Variants in PNPLA3 observed in about 807,000 individuals in gnomAD.
The protein encoded by PNPLA3 is 1-acylglycerol-3-phosphate O-acyltransferase PNPLA3.
PNPLA3 carries 42 observed loss-of-function variants against 43.1 expected under a neutral mutation model. The ratio of observed to expected loss-of-function variants is 0.97; its 90% CI spans 0.76 to 1.26. The LOEUF is 1.26. PNPLA3 is among the 50% of genes most tolerant of loss of function. PNPLA3 has a pLI of 0.00. For synonymous variants in PNPLA3, 272 were observed against 253.6 expected (o/e 1.07, Z -0.69); for missense variants, 647 against 621.4 (o/e 1.04, Z -0.44).
rs1429208007 is a variant in PNPLA3 at position 43,926,924 on chromosome 22, C to T, written c.188-11C>T. On this transcript the variant is annotated splice_polypyrimidine_tract_variant and intron_variant, in intron 1 of 8. Coordinates refer to ENST00000216180, the MANE Select transcript of PNPLA3 (RefSeq NM_025225.3). ...GGTACATTCTTTCATGTATTTGTCT[C>T]CTGTCCCCAGAGCAGACTCTGCAGG... 1.2e-6 allele frequency: 2 copies of T among 1,611,760 alleles called. No individual in the cohort carries two copies. The highest frequency in any genetic ancestry group is 1.7e-6 in the Non-Finnish European group (2 of 1,178,040).
chr22:43,926,820 A>T (rs2049925755), intron 1 of PNPLA3, 115 bp from the exon 2 acceptor site: 2 of 806,012 alleles, frequency 2.5e-6, no homozygotes, highest in Admixed American at 4.3e-5. Flanking sequence ...CATAGTAGAC[A>T]GTACTGGTCT....
chr22:43,944,269 G>A (rs2050049243), intron 7 of PNPLA3, among the ~76,000 whole-genome samples: 1 of 152,144 alleles, frequency 6.6e-6, no homozygotes, highest in Admixed American at 6.5e-5. Flanking sequence ...TTATGTGTCT[G>A]GGGGATGGAG....
Position 43,923,846 on chromosome 22 carries a change from G to T in PNPLA3, c.-66G>T. On this transcript the variant is annotated 5_prime_UTR_variant, in exon 1 of 9. In the 5' UTR this introduces an upstream ATG that the reference lacks. Transcript: ENST00000216180. The stretch of plus-strand genomic sequence containing the variant: ...CGCCGGGCGGAGCTGCTGCGGATCA[G>T]GACCCGAGCCGATTCCCGATCCCGA... 1 of 1,407,348 alleles carries T rather than the reference G, an allele frequency of 7.1e-7. No individual in the cohort carries two copies. The highest frequency in any genetic ancestry group is 9.3e-7 in the Non-Finnish European group (1 of 1,079,188). 87.2% of individuals were successfully genotyped at this position (1,407,348 alleles called of 1,614,324 possible).
At position 43,947,359 on chromosome 22, in the gene PNPLA3, CA is replaced by C. The variant is rs3083314; in HGVS notation, c.*989del. 7 of 145,526 alleles carry C rather than the reference CA, an allele frequency of 4.8e-5. No individual in the cohort carries two copies. Among genetic ancestry groups the C allele is most frequent in the Admixed American group, 1.4e-4 (2 of 14,426 alleles). 9.0% of individuals were successfully genotyped at this position (145,526 alleles called of 1,614,324 possible). A position where few individuals can be genotyped will look rare whatever the true frequency, so the allele number is the denominator to read the frequency against. On this transcript the variant is annotated 3_prime_UTR_variant, in exon 9 of 9. Transcript: ENST00000216180. Reference sequence around the variant, plus strand: ...GGGCAACATGAGTGAAAGTCTGACTCAAAAAAAAAAAATTTAAAAAACAAAA... The same window carrying C: ...GGGCAACATGAGTGAAAGTCTGACTCAAAAAAAAAAATTTAAAAAACAAAA...
Position 43,946,703 on chromosome 22 carries a change from A to C in PNPLA3, c.*321A>C. 10 of 544,876 alleles carry C rather than the reference A, an allele frequency of 1.8e-5. No homozygotes were observed. Among genetic ancestry groups the C allele is most frequent in the East Asian group, 5.0e-5 (1 of 20,130 alleles). 33.8% of individuals were successfully genotyped at this position (544,876 alleles called of 1,614,324 possible). The stretch of plus-strand genomic sequence containing the variant: ...ACTGTTCCAGCATGAGGTTCTTAGA[A>C]TGACAGGTGTTTGGATGGGTGGGGG... On this transcript the variant is annotated 3_prime_UTR_variant, in exon 9 of 9. Coordinates refer to ENST00000216180, the MANE Select transcript of PNPLA3 (RefSeq NM_025225.3).
In PNPLA3 at chr22:43,935,381, C is replaced by G. The variant is rs143246365; in HGVS notation, c.757+715C>G. ...AACACAGAGGTGTGACCCTTGCCAG[C>G]CTTGTGAGAGAAGTGAGCAGATAAG... is the stretch of plus-strand genomic sequence containing the variant. On this transcript the variant is annotated intron_variant, in intron 5 of 8. Transcript: ENST00000216180. Among the ~76,000 whole-genome samples, 487 of 152,222 alleles carry G rather than the reference C, an allele frequency of 3.2e-3. 2 individuals are homozygous for G. The highest frequency in any genetic ancestry group is 0.011 in the African/African-American group (442 of 41,508).
chr22:43,931,476 G>A (rs1049973515), intron 3 of PNPLA3, among the ~76,000 whole-genome samples: 1 of 152,154 alleles, frequency 6.6e-6, no homozygotes, highest in Admixed American at 6.5e-5. Context: ...CTTCACTCCA[G>A]ATTCCTAGCA....
intron 7 of PNPLA3, among the ~76,000 whole-genome samples, chr22:43,942,828 A>G (rs569536140): frequency 6.7e-6 from 1 of 149,706 alleles, no homozygotes; most frequent in South Asian, 2.1e-4. Flanking sequence ...TCAACCTCCT[A>G]AGTAGCTGGG....
At chr22:43,934,811 G>C in intron 5 of PNPLA3, 145 bp downstream of exon 5, 1 of 769,152 alleles carries the variant, frequency 1.3e-6, no homozygotes, top group Admixed American at 2.3e-5. Context: ...GAGCCCAGGA[G>C]ATAGGAAATC....
chr22:43,934,783 G>A, intron 5 of PNPLA3, 117 bp downstream of exon 5: 1 of 947,126 alleles, frequency 1.1e-6, no homozygotes, highest in Non-Finnish European at 1.7e-6. Flanking sequence ...CCTTCCTTGT[G>A]TTGCTCAACC....
intron 8 of PNPLA3, 146 bp downstream of exon 8, chr22:43,944,941 C>T: frequency 1.4e-6 from 1 of 701,828 alleles, no homozygotes; most frequent in Non-Finnish European, 2.5e-6. Context: ...TGGGAGGCAG[C>T]TGAGTCAGTC....
intron 7 of PNPLA3, among the ~76,000 whole-genome samples, chr22:43,942,224 AC>A (rs1245280764): frequency 2.0e-5 from 3 of 152,162 alleles, no homozygotes; most frequent in African/African-American, 7.2e-5. Context: ...CCACACAGCT[AC>A]ATCCTGCCAT....
At chr22:43,926,854 G>A in intron 1 of PNPLA3, 81 bp from the exon 2 acceptor site, 1 of 1,184,820 alleles carries the variant, frequency 8.4e-7, no homozygotes, top group Non-Finnish European at 1.2e-6. Flanking sequence ...TGGCATCCTT[G>A]CTGTCTGGTT....
In PNPLA3 at chr22:43,944,700, A is replaced by G. The variant is rs1478061303; in HGVS notation, c.1122A>G (p.Thr374=). ...SAIAIVQRLV[T]WLPDMPDDVL... ...GGTCTCATCTCTGCAGACTGGTGACATGGCTTCCAGATATGCCCGACGATG... is the reference window on the plus strand; with the variant it reads ...GGTCTCATCTCTGCAGACTGGTGACGTGGCTTCCAGATATGCCCGACGATG... The change falls in exon 8 of 9, where the codon ACA becomes ACG. Residue 374 remains threonine, a synonymous_variant. Coordinates refer to ENST00000216180, the MANE Select transcript of PNPLA3 (RefSeq NM_025225.3). 1.2e-6 allele frequency: 2 copies of G among 1,614,202 alleles called. No homozygotes were observed.
At chr22:43,944,933 G>GGA in intron 8 of PNPLA3, 138 bp downstream of exon 8, 1 of 730,986 alleles carries the variant, frequency 1.4e-6, no homozygotes, top group African/African-American at 1.7e-5. Context: ...CTGTCTCATG[G>GGA]GAGGCAGCTG....
intron 1 of PNPLA3, among the ~76,000 whole-genome samples, chr22:43,925,735 G>T (rs73888497): frequency 6.6e-6 from 1 of 152,164 alleles, no homozygotes; most frequent in Non-Finnish European, 1.5e-5. Context: ...GGATTAGACC[G>T]CCACATGATC....
intron 6 of PNPLA3, among the ~76,000 whole-genome samples, chr22:43,939,159 C>G (rs1191225005): frequency 6.6e-6 from 1 of 152,114 alleles, no homozygotes; most frequent in Non-Finnish European, 1.5e-5. Flanking sequence ...CTCCTGACCT[C>G]AAGTGATCCA....
At chr22:43,941,055 C>A (rs13053908) in intron 7 of PNPLA3, among the ~76,000 whole-genome samples, 6,264 of 142,624 alleles carry the variant, frequency 0.044, 187 homozygotes, top group Non-Finnish European at 0.068. Flanking sequence ...AGGAGAATTG[C>A]TTGAAGCAGG....
At chr22:43,940,250 T>C (rs987672589) in intron 7 of PNPLA3, 125 bp downstream of exon 7, 74 of 1,180,010 alleles carry the variant, frequency 6.3e-5, no homozygotes, top group Middle Eastern at 4.8e-4. Context: ...CAGCTCACAG[T>C]CTATGTGCAA....
Sources: allele counts gnomAD v4.1 joint callset (sites outside exome capture counted in the v4.1 genomes callset), GRCh38; gene constraint gnomAD v4.1.1; transcripts MANE v1.5; gene names NCBI Gene and HGNC (gene_info 2026-07-23, HGNC 2026-07-21).